The following AKT3 variants were observed in gnomAD, a reference collection of about 807,000 sequenced individuals.
AKT3 encodes the protein AKT serine/threonine kinase 3.
A neutral mutation model predicts 65.3 loss-of-function variants in AKT3; 15 were observed. That is an observed-to-expected ratio of 0.23 (90% CI 0.15 to 0.35). AKT3 has a LOEUF of 0.35. AKT3 is among the 10% of genes least tolerant of loss of function. AKT3 has a pLI of 1.00. For missense variants in AKT3, 243 were observed against 576.5 expected (o/e 0.42, Z 5.92); for synonymous variants, 206 against 183.8 (o/e 1.12, Z -0.98).
Position 243,501,465 on chromosome 1 carries a change from T to C in AKT3, c.*3784A>G, listed in dbSNP as rs1558568549. 4.3e-6 allele frequency: 1 copy of C among 233,212 alleles called. No individual in the cohort carries two copies. Among genetic ancestry groups the C allele is most frequent in the South Asian group, 1.8e-4 (1 of 5,532 alleles). 14.4% of individuals were successfully genotyped at this position (233,212 alleles called of 1,614,324 possible). A position where few individuals can be genotyped will look rare whatever the true frequency, so the allele number is the denominator to read the frequency against. ...ATGTCCCCAGGGTCTGAGACCTCCT[T>C]CATCCCTGGCTTCACAGTACATCCA... On this transcript the variant is annotated 3_prime_UTR_variant, in exon 14 of 14. Transcript: ENST00000673466.
chr1:243,652,994 C>T (rs988898358), intron 4 of AKT3, among the ~76,000 whole-genome samples: 46 of 151,642 alleles, frequency 3.0e-4, no homozygotes, highest in African/African-American at 1.0e-3. Context: ...ACTTAGACTC[C>T]CACACAATAA....
rs114359145 is a variant in AKT3, at chr1:243,604,450, T to C, written c.696+9221A>G. ...TCTGGCTTTCCTCTGCAGAACTCTA[T>C]GCATTATCCACACTGTGCTATATTC... On this transcript the variant is annotated intron_variant, in intron 8 of 13. Coordinates refer to ENST00000673466, the MANE Select transcript of AKT3 (RefSeq NM_005465.7). 5.2e-3 allele frequency among the ~76,000 whole-genome samples: 796 copies of C among 152,330 alleles called. 10 individuals carry two copies. The highest frequency in any genetic ancestry group is 0.018 in the African/African-American group (753 of 41,570).
At chr1:243,534,568 C>T (rs907523668) in intron 12 of AKT3, among the ~76,000 whole-genome samples, 10 of 152,218 alleles carry the variant, frequency 6.6e-5, no homozygotes, top group Non-Finnish European at 1.3e-4. Context: ...TCTCTTCTCA[C>T]ACAGAACATT....
At chr1:243,716,055 A>G (rs1686495004) in intron 2 of AKT3, among the ~76,000 whole-genome samples, 1 of 152,174 alleles carries the variant, frequency 6.6e-6, no homozygotes, top group African/African-American at 2.4e-5. Flanking sequence ...AACACTGCAG[A>G]AAAATTTGTC....
At chr1:243,560,354 G>C (rs1379150521) in intron 10 of AKT3, among the ~76,000 whole-genome samples, 1 of 152,062 alleles carries the variant, frequency 6.6e-6, no homozygotes, top group East Asian at 1.9e-4. Context: ...ATGAATGAAT[G>C]AGTGTCCCTC....
intron 1 of AKT3, among the ~76,000 whole-genome samples, chr1:243,846,355 A>ATGG (rs1437929912): frequency 2.6e-5 from 4 of 152,130 alleles, no homozygotes; most frequent in Non-Finnish European, 5.9e-5. Flanking sequence ...TATATATAGG[A>ATGG]ATTATCTAAT....
chr1:243,528,696 T>C (rs1671321530), intron 12 of AKT3, among the ~76,000 whole-genome samples: 2 of 152,272 alleles, frequency 1.3e-5, no homozygotes, highest in Admixed American at 1.3e-4. Context: ...GGTGTATCTG[T>C]ACTACATTCT....
At chr1:243,498,594 C>T (rs1199320953), downstream of AKT3, among the ~76,000 whole-genome samples, 1 of 152,256 alleles carries the variant, frequency 6.6e-6, no homozygotes, top group African/African-American at 2.4e-5. Context: ...GTCTCTCACA[C>T]ACTGGGAAAT....
At chr1:243,731,131 C>T (rs948616005) in intron 2 of AKT3, among the ~76,000 whole-genome samples, 1 of 152,244 alleles carries the variant, frequency 6.6e-6, no homozygotes, top group Admixed American at 6.5e-5. Flanking sequence ...TGAAGGATCC[C>T]GTGACATTTC....
At chr1:243,780,622 AAG>A (rs1235555488) in intron 2 of AKT3, among the ~76,000 whole-genome samples, 1 of 151,526 alleles carries the variant, frequency 6.6e-6, no homozygotes, top group South Asian at 2.1e-4. Context: ...GAAGGGGAGA[AAG>A]AGAGGGAACA....
chr1:243,842,627 T>C (rs989910230), intron 2 of AKT3, among the ~76,000 whole-genome samples: 1 of 152,220 alleles, frequency 6.6e-6, no homozygotes, highest in Admixed American at 6.5e-5. Context: ...ATTTGGCCTT[T>C]TACGTCAGGA....
intron 6 of AKT3, among the ~76,000 whole-genome samples, chr1:243,636,690 A>G (rs1679998944): frequency 6.6e-6 from 1 of 152,054 alleles, no homozygotes; most frequent in African/African-American, 2.4e-5. Context: ...TGCCCCCCAT[A>G]AACATTTCCA....
intron 2 of AKT3, among the ~76,000 whole-genome samples, chr1:243,799,834 T>G (rs1297876141): frequency 1.3e-5 from 2 of 152,202 alleles, no homozygotes; most frequent in African/African-American, 4.8e-5. Context: ...ATAAATGCTC[T>G]TTTACTATAT....
rs114531307 is a variant in AKT3 at position 243,789,644 on chromosome 1, T to C, written c.46+53481A>G. On this transcript the variant is annotated intron_variant, in intron 2 of 13. Transcript: ENST00000673466. The stretch of plus-strand genomic sequence containing the variant: ...CTGACCTCCTCCCATGATTCATGAA[T>C]GTTCTTAATGGCATCTAGAATGGTG... 5.1e-3 allele frequency among the ~76,000 whole-genome samples: 780 copies of C among 152,346 alleles called. 9 individuals are homozygous for C. Among genetic ancestry groups the C allele is most frequent in the African/African-American group, 0.018 (740 of 41,578 alleles).
intron 8 of AKT3, among the ~76,000 whole-genome samples, chr1:243,584,144 A>C (rs573470246): frequency 1.3e-4 from 20 of 152,302 alleles, no homozygotes; most frequent in African/African-American, 4.3e-4. Flanking sequence ...TTACATTACA[A>C]CTTATCCCAC....
intron 2 of AKT3, among the ~76,000 whole-genome samples, chr1:243,698,083 T>C (rs1187504747): frequency 1.3e-5 from 2 of 152,090 alleles, no homozygotes; most frequent in Non-Finnish European, 2.9e-5. Flanking sequence ...GAATGCCTAA[T>C]ACACAATTCC....
chr1:243,784,804 A>G (rs1416060254), intron 2 of AKT3, among the ~76,000 whole-genome samples: 2 of 151,494 alleles, frequency 1.3e-5, no homozygotes, highest in Non-Finnish European at 2.9e-5. Context: ...TCCCACCCCT[A>G]GGCTGGAGTG....
chr1:243,538,238 A>C (rs1321550328), intron 12 of AKT3, among the ~76,000 whole-genome samples: 1 of 152,206 alleles, frequency 6.6e-6, no homozygotes, highest in African/African-American at 2.4e-5. Flanking sequence ...GTTATGACTC[A>C]AGGTAGACTA....
chr1:243,711,341 CAAAA>C (rs1334930347), intron 2 of AKT3, among the ~76,000 whole-genome samples: 1 of 152,034 alleles, frequency 6.6e-6, no homozygotes, highest in East Asian at 1.9e-4. Context: ...AACAAACAAA[CAAAA>C]GAACAAAATT....
Sources: allele counts gnomAD v4.1 joint callset (sites outside exome capture counted in the v4.1 genomes callset), GRCh38; gene constraint gnomAD v4.1.1; transcripts MANE v1.5; gene names NCBI Gene and HGNC (gene_info 2026-07-23, HGNC 2026-07-21).